PXYLP1: variants seen among roughly 807,000 people sequenced by gnomAD.
PXYLP1 encodes the protein 2-phosphoxylose phosphatase 1.
A neutral mutation model predicts 37.9 loss-of-function variants in PXYLP1; 17 were observed. The observed-to-expected ratio is 0.45, with a 90% CI of 0.31 to 0.67. PXYLP1 has a LOEUF of 0.67. Among genes scored for constraint, PXYLP1 ranks in the 30% least tolerant of loss-of-function variants. PXYLP1 has a pLI of 0.07. For synonymous variants in PXYLP1, 221 were observed against 232.2 expected (o/e 0.95, Z 0.44); for missense variants, 511 against 612.0 (o/e 0.84, Z 1.74).
intron 1 of PXYLP1, among the ~76,000 whole-genome samples, chr3:141,253,600 C>G (rs147532250): frequency 6.6e-6 from 1 of 151,864 alleles, no homozygotes; most frequent in African/African-American, 2.4e-5. Flanking sequence ...CCTGACAGCA[C>G]TGGTTTGATA....
intron 5 of PXYLP1, among the ~76,000 whole-genome samples, chr3:141,288,559 A>G (rs1401780449): frequency 3.3e-5 from 5 of 152,180 alleles, no homozygotes; most frequent in Non-Finnish European, 5.9e-5. Flanking sequence ...ACAATTAACT[A>G]TTTTGCAATC....
At chr3:141,281,232 C>T (rs934398630) in intron 4 of PXYLP1, among the ~76,000 whole-genome samples, 1 of 152,210 alleles carries the variant, frequency 6.6e-6, no homozygotes, top group African/African-American at 2.4e-5. Context: ...CAGGCACCTA[C>T]ATGAAGTGAA....
At chr3:141,248,449 TCTAC>T (rs1394690077) in intron 1 of PXYLP1, among the ~76,000 whole-genome samples, 1 of 151,570 alleles carries the variant, frequency 6.6e-6, no homozygotes, top group Non-Finnish European at 1.5e-5. Context: ...CTATTTTTGC[TCTAC>T]CTGTCACTTT....
chr3:141,291,120 G>A (rs1942193891), intron 5 of PXYLP1, among the ~76,000 whole-genome samples: 1 of 152,090 alleles, frequency 6.6e-6, no homozygotes, highest in South Asian at 2.1e-4. Flanking sequence ...CCCTTTCCCA[G>A]GGGAACATAT....
chr3:141,254,306 A>AACTGTGTCCTGTAT (rs1199215575), intron 1 of PXYLP1, among the ~76,000 whole-genome samples: 2 of 152,204 alleles, frequency 1.3e-5, no homozygotes, highest in Non-Finnish European at 1.5e-5. Context: ...ATATGACAAA[A>AACTGTGTCCTGTAT]ACTGTGTCCT....
chr3:141,262,593 T>A, intron 2 of PXYLP1: 1 of 1,455,176 alleles, frequency 6.9e-7, no homozygotes, highest in Non-Finnish European at 9.1e-7. Flanking sequence ...AAAGCCAATT[T>A]TCAGCCATAC....
chr3:141,255,603 C>T (rs1361048875), intron 1 of PXYLP1, among the ~76,000 whole-genome samples: 1 of 152,238 alleles, frequency 6.6e-6, no homozygotes. Flanking sequence ...GCTCTGGGCT[C>T]AGAATCCTGG....
At chr3:141,279,223 C>G (rs866824975) in intron 3 of PXYLP1, among the ~76,000 whole-genome samples, 155 bp from the exon 4 acceptor site, 6 of 152,194 alleles carry the variant, frequency 3.9e-5, no homozygotes, top group African/African-American at 1.4e-4. Flanking sequence ...CAGCCAGGGC[C>G]CCTTCACTGT....
At chr3:141,271,440 C>A (rs2148792659) in intron 2 of PXYLP1, among the ~76,000 whole-genome samples, 1 of 152,266 alleles carries the variant, frequency 6.6e-6, no homozygotes, top group East Asian at 1.9e-4. Context: ...GCAAGGCAGA[C>A]CCTGGAGCTA....
chr3:141,236,701 T>C (rs1172229326), intron 1 of PXYLP1, among the ~76,000 whole-genome samples: 1 of 152,232 alleles, frequency 6.6e-6, no homozygotes, highest in Non-Finnish European at 1.5e-5. Context: ...TAGGAGAATC[T>C]AGTTAGAATT....
rs944299627 is a variant in PXYLP1 at position 141,231,865 on chromosome 3, G to C, written c.-100G>C. 1.3e-5 allele frequency: 2 copies of C among 151,044 alleles called. No homozygotes were observed. Among genetic ancestry groups the C allele is most frequent in the Non-Finnish European group, 3.0e-5 (2 of 67,658 alleles). The allele number at this position is 151,044 out of a possible 1,614,324, so 9.4% of individuals were successfully genotyped here. A position where few individuals can be genotyped will look rare whatever the true frequency, so the allele number is the denominator to read the frequency against. On this transcript the variant is annotated 5_prime_UTR_variant, in exon 1 of 6. Coordinates refer to ENST00000286353, the MANE Select transcript of PXYLP1 (RefSeq NM_001037172.3). The surrounding 1 kb of genome is among the most constrained non-coding windows in gnomAD (Gnocchi z 4.4). ...GGGAGGAGCTGGCGGCGAGCGCCGA[G>C]CCGGGCGCGCAGCGACGGAGCTGGG...
intron 2 of PXYLP1, among the ~76,000 whole-genome samples, chr3:141,263,832 G>A (rs924225787): frequency 6.6e-6 from 1 of 152,204 alleles, no homozygotes; most frequent in African/African-American, 2.4e-5. Flanking sequence ...TGAGAACGGA[G>A]ATACGGGAAA....
chr3:141,280,899 T>C (rs1169511541), intron 4 of PXYLP1, among the ~76,000 whole-genome samples: 2 of 152,216 alleles, frequency 1.3e-5, no homozygotes, highest in East Asian at 3.8e-4. Context: ...TCCACAAGTT[T>C]GTTGCCCCAG....
At chr3:141,246,780 A>T (rs948636252) in intron 1 of PXYLP1, among the ~76,000 whole-genome samples, 1 of 152,220 alleles carries the variant, frequency 6.6e-6, no homozygotes, top group African/African-American at 2.4e-5. Flanking sequence ...TCATTCCCAA[A>T]CTTGGTGCCT....
chr3:141,273,274 C>A, intron 2 of PXYLP1: 1 of 985,424 alleles, frequency 1.0e-6, no homozygotes, highest in Non-Finnish European at 1.2e-6. Context: ...GCATAAATAC[C>A]GAGCTTAGTG....
chr3:141,263,829 G>A (rs1013203334), intron 2 of PXYLP1, among the ~76,000 whole-genome samples: 1 of 152,190 alleles, frequency 6.6e-6, no homozygotes, highest in African/African-American at 2.4e-5. Flanking sequence ...CTGTGAGAAC[G>A]GAGATACGGG....
Position 141,237,243 on chromosome 3 carries a change from T to C in PXYLP1, c.-54+5332T>C, listed in dbSNP as rs376653989. Reference sequence around the variant, plus strand: ...TAGGGATAAAAATAGGCATTGGTTTTCTCTAAAACTTTCTGCAAGTCAAAC... The same window carrying C: ...TAGGGATAAAAATAGGCATTGGTTTCCTCTAAAACTTTCTGCAAGTCAAAC... On this transcript the variant is annotated intron_variant, in intron 1 of 5. Transcript: ENST00000286353. 8.5e-5 allele frequency among the ~76,000 whole-genome samples: 13 copies of C among 152,352 alleles called. No individual in the cohort carries two copies. The East Asian group carries it at 2.5e-3, about 29-fold the overall frequency.
intron 1 of PXYLP1, among the ~76,000 whole-genome samples, chr3:141,239,284 T>C (rs546326088): frequency 6.6e-6 from 1 of 152,328 alleles, no homozygotes; most frequent in East Asian, 1.9e-4. Flanking sequence ...TCCGTTGCAG[T>C]CCCTAATGGA....
intron 1 of PXYLP1, among the ~76,000 whole-genome samples, chr3:141,241,892 C>T (rs1298019751): frequency 6.6e-6 from 1 of 152,158 alleles, no homozygotes; most frequent in African/African-American, 2.4e-5. Context: ...ATCACTTGTG[C>T]CGTCACGTCT....
Sources: allele counts gnomAD v4.1 joint callset (sites outside exome capture counted in the v4.1 genomes callset), GRCh38; gene constraint gnomAD v4.1.1; non-coding constraint Gnocchi (gnomAD v3.1); transcripts MANE v1.5; gene names NCBI Gene and HGNC (gene_info 2026-07-23, HGNC 2026-07-21).